The following STK31 variants were observed in gnomAD, a reference collection of about 807,000 sequenced individuals.
The protein encoded by STK31 is serine/threonine-protein kinase 31.
A neutral mutation model predicts 129.7 loss-of-function variants in STK31; 89 were observed. The ratio of observed to expected loss-of-function variants is 0.69; its 90% CI spans 0.58 to 0.82. The LOEUF (loss-of-function observed/expected upper bound fraction) is 0.82. Ranked by LOEUF, STK31 falls within the 40% of genes least tolerant of loss-of-function variation. STK31 has a pLI of 0.00. For missense variants in STK31, 1,187 were observed against 1,176.4 expected (o/e 1.01, Z -0.13); for synonymous variants, 448 against 395.3 (o/e 1.13, Z -1.58).
intron 4 of STK31, chr7:23,726,466 TTAGCCCAGGCG>T (rs1342728968): frequency 7.7e-6 from 1 of 130,288 alleles, no homozygotes; most frequent in Admixed American, 7.8e-5. Flanking sequence ...AATACAAAAC[TTAGCCCAGGCG>T]TGGTGGTGCG....
At chr7:23,812,945 G>A (rs533854468) in intron 22 of STK31, among the ~76,000 whole-genome samples, 26 of 152,062 alleles carry the variant, frequency 1.7e-4, no homozygotes, top group South Asian at 2.1e-4. Flanking sequence ...ACACACCACC[G>A]TTTCTTTACT....
chr7:23,811,919 A>G (rs1000070836), intron 22 of STK31, among the ~76,000 whole-genome samples: 1 of 152,120 alleles, frequency 6.6e-6, no homozygotes, highest in African/African-American at 2.4e-5. Flanking sequence ...TTTAAATATC[A>G]TTGTCTTGAG....
chr7:23,810,962 C>A lies in STK31; in HGVS notation c.2761-4182C>A, dbSNP rs186475155. On this transcript the variant is annotated intron_variant, in intron 22 of 23. Transcript: ENST00000355870. Reference sequence around the variant, plus strand: ...ATATACACACACACACACACACACACCTACATGATGTCTTATTTTTTTTAA... The same window carrying A: ...ATATACACACACACACACACACACAACTACATGATGTCTTATTTTTTTTAA... 7.9e-4 allele frequency among the ~76,000 whole-genome samples: 115 copies of A among 145,806 alleles called. 1 individual carries two copies. In the East Asian group the frequency reaches 0.015, roughly 18 times the overall value.
chr7:23,736,982 T>C lies in STK31; in HGVS notation c.921T>C (p.Ile307=), dbSNP rs758721479. 1 of 1,613,878 alleles carries C rather than the reference T, an allele frequency of 6.2e-7. No homozygotes were observed. Among genetic ancestry groups the C allele is most frequent in the Admixed American group, 1.7e-5 (1 of 60,002 alleles). ...AAATTAAGCAGGACCAGAAACTGAT[T>C]GAAGAAAATGAAAAACTTAAAACAG... is the stretch of plus-strand genomic sequence containing the variant. The part of the protein sequence containing the change: ...LEKIKQDQKL[I]EENEKLKTEK... Residue 307 remains isoleucine (I), a synonymous_variant, in exon 8 of 24, where the codon ATT becomes ATC. Coordinates refer to ENST00000355870, the MANE Select transcript of STK31 (RefSeq NM_031414.5).
intron 4 of STK31, among the ~76,000 whole-genome samples, chr7:23,726,785 G>T (rs1787111564): frequency 6.6e-6 from 1 of 152,020 alleles, no homozygotes; most frequent in African/African-American, 2.4e-5. Context: ...AAAGTAAAAA[G>T]TATGAAATCT....
chr7:23,796,680 T>A (rs1791979090), intron 22 of STK31, among the ~76,000 whole-genome samples: 1 of 152,164 alleles, frequency 6.6e-6, no homozygotes, highest in Admixed American at 6.6e-5. Context: ...AGTCACAGCC[T>A]CCTCCCAACC....
chr7:23,742,846 C>T (rs1204498004), intron 8 of STK31, among the ~76,000 whole-genome samples: 2 of 152,088 alleles, frequency 1.3e-5, no homozygotes, highest in East Asian at 3.8e-4. Flanking sequence ...ATTATTTTCT[C>T]TCTCACTCAT....
chr7:23,814,370 G>A (rs1406061743), intron 22 of STK31, among the ~76,000 whole-genome samples: 3 of 151,556 alleles, frequency 2.0e-5, no homozygotes, highest in Non-Finnish European at 2.9e-5. Flanking sequence ...TGCAATGGGT[G>A]GAACTTATTT....
chr7:23,767,347 GC>G (rs1381602500), intron 11 of STK31, among the ~76,000 whole-genome samples: 1 of 152,112 alleles, frequency 6.6e-6, no homozygotes, highest in Non-Finnish European at 1.5e-5. Flanking sequence ...TATATGAAGG[GC>G]CTAGGGAAGA....
intron 23 of STK31, among the ~76,000 whole-genome samples, chr7:23,827,039 T>A (rs1482285858): frequency 6.6e-6 from 1 of 152,182 alleles, no homozygotes; most frequent in African/African-American, 2.4e-5. Context: ...ATTTTTTCCT[T>A]CATTTCAACT....
At chr7:23,798,927 T>C (rs1445611207) in intron 22 of STK31, among the ~76,000 whole-genome samples, 2 of 152,100 alleles carry the variant, frequency 1.3e-5, no homozygotes, top group Non-Finnish European at 1.5e-5. Flanking sequence ...TGTGCAAAAC[T>C]CACAAACATT....
intron 23 of STK31, among the ~76,000 whole-genome samples, chr7:23,819,244 T>C (rs1041135778): frequency 2.6e-5 from 4 of 152,222 alleles, no homozygotes; most frequent in African/African-American, 9.7e-5. Context: ...TAAAAACATA[T>C]TCTGTAGAGT....
intron 22 of STK31, among the ~76,000 whole-genome samples, chr7:23,801,276 G>A (rs1453671272): frequency 6.6e-6 from 1 of 152,082 alleles, no homozygotes. Flanking sequence ...GTTTCATTGT[G>A]GTTTTAATTT....
At chr7:23,800,644 T>C (rs1043804115) in intron 22 of STK31, among the ~76,000 whole-genome samples, 21 of 152,110 alleles carry the variant, frequency 1.4e-4, no homozygotes, top group Admixed American at 6.6e-5. Context: ...AAATACCTAA[T>C]GTAGATTATG....
chr7:23,762,504 A>G (rs536652169), intron 10 of STK31, among the ~76,000 whole-genome samples: 10 of 152,154 alleles, frequency 6.6e-5, no homozygotes, highest in Non-Finnish European at 1.5e-4. Context: ...AAAAGAGGCC[A>G]TATGTAATTA....
intron 6 of STK31, among the ~76,000 whole-genome samples, chr7:23,733,160 G>A (rs1485251159): frequency 2.0e-5 from 3 of 151,892 alleles, no homozygotes; most frequent in African/African-American, 7.3e-5. Context: ...CTGTGTTTTT[G>A]TTAACCTAAA....
At chr7:23,724,436 A>G (rs374397592) in intron 4 of STK31, among the ~76,000 whole-genome samples, 3 of 152,240 alleles carry the variant, frequency 2.0e-5, no homozygotes, top group Non-Finnish European at 4.4e-5. Context: ...TTAAAGAGAC[A>G]AACAGGACAA....
At chr7:23,824,084 C>G (rs1174949736) in intron 23 of STK31, among the ~76,000 whole-genome samples, 1 of 152,234 alleles carries the variant, frequency 6.6e-6, no homozygotes, top group Non-Finnish European at 1.5e-5. Context: ...AATGCGGGCT[C>G]TTTGTTGGTT....
intron 11 of STK31, among the ~76,000 whole-genome samples, chr7:23,768,507 C>G (rs1335890170): frequency 6.6e-6 from 1 of 151,990 alleles, no homozygotes; most frequent in African/African-American, 2.4e-5. Flanking sequence ...AACTTTCATG[C>G]CAGGACAAAC....
Sources: allele counts gnomAD v4.1 joint callset (sites outside exome capture counted in the v4.1 genomes callset), GRCh38; gene constraint gnomAD v4.1.1; transcripts MANE v1.5; gene names NCBI Gene and HGNC (gene_info 2026-07-23, HGNC 2026-07-21).